The following PTPRD variants were observed in gnomAD, a reference collection of about 807,000 sequenced individuals.
The protein encoded by PTPRD is protein tyrosine phosphatase receptor type D, also known as receptor-type tyrosine-protein phosphatase delta.
A neutral mutation model predicts 214.5 loss-of-function variants in PTPRD; 34 were observed. That is an observed-to-expected ratio of 0.16 (90% CI 0.12 to 0.21). The LOEUF (loss-of-function observed/expected upper bound fraction) is 0.21. Ranked by LOEUF, PTPRD falls within the 10% of genes least tolerant of loss-of-function variation. The probability of loss-of-function intolerance (pLI) is 1.00; values close to 1 mark genes in which losing one functional copy is unlikely to be tolerated. For missense variants in PTPRD, 2,545 were observed against 2,398.7 expected, an observed-to-expected ratio of 1.06 and a Z score of -1.27; for synonymous variants, 1,128 against 845.7, an observed-to-expected ratio of 1.33 and a Z score of -5.79.
At chr9:8,838,319 G>C (rs2570292) in intron 11 of PTPRD, among the ~76,000 whole-genome samples, 133,187 of 151,912 alleles carry the variant, frequency 0.88, 58,443 homozygotes, top group Middle Eastern at 0.93. Context: ...GGATAAGGAA[G>C]TGACAAATTT....
chr9:9,078,326 C>A (rs146105954), intron 10 of PTPRD, among the ~76,000 whole-genome samples: 1,955 of 152,116 alleles, frequency 0.013, 54 homozygotes, highest in African/African-American at 0.045. Flanking sequence ...ATGGCCCATC[C>A]TTAATTATAT....
At chr9:9,779,975 C>G (rs1460062697) in intron 5 of PTPRD, among the ~76,000 whole-genome samples, 1 of 152,150 alleles carries the variant, frequency 6.6e-6, no homozygotes, top group African/African-American at 2.4e-5. Flanking sequence ...ATCATTGTGT[C>G]ATTCATCATA....
chr9:8,424,079 C>G (rs1264125532), intron 35 of PTPRD, among the ~76,000 whole-genome samples: 1 of 152,080 alleles, frequency 6.6e-6, no homozygotes, highest in Non-Finnish European at 1.5e-5. Flanking sequence ...ATAAAGGTTC[C>G]TATCCAAATC....
intron 14 of PTPRD, among the ~76,000 whole-genome samples, chr9:8,565,112 T>C (rs2154216993): frequency 6.6e-6 from 1 of 152,238 alleles, no homozygotes; most frequent in Admixed American, 6.5e-5. Flanking sequence ...TGTGGCCATG[T>C]AATCTGCTCC....
chr9:8,347,712 G>A (rs1460505224), intron 39 of PTPRD, among the ~76,000 whole-genome samples: 1 of 152,182 alleles, frequency 6.6e-6, no homozygotes, highest in African/African-American at 2.4e-5. Flanking sequence ...CAAGGTGGGA[G>A]CTTTAATCAG....
intron 5 of PTPRD, among the ~76,000 whole-genome samples, chr9:9,909,166 T>A (rs372366659): frequency 6.6e-6 from 1 of 151,964 alleles, no homozygotes; most frequent in East Asian, 1.9e-4. Flanking sequence ...ATTTTGTTCA[T>A]CAAAAATTAA....
intron 8 of PTPRD, among the ~76,000 whole-genome samples, chr9:9,429,141 T>C (rs1019199099): frequency 2.0e-5 from 3 of 151,756 alleles, no homozygotes; most frequent in African/African-American, 7.3e-5. Context: ...ATCAATGAAA[T>C]TGATAGGCAG....
chr9:8,504,718 G>A (rs935545530), intron 22 of PTPRD, among the ~76,000 whole-genome samples: 4 of 152,178 alleles, frequency 2.6e-5, no homozygotes, highest in Admixed American at 6.5e-5. Context: ...ATGTTCTGCC[G>A]TTAAATGTGT....
intron 11 of PTPRD, among the ~76,000 whole-genome samples, chr9:8,893,440 C>CATG (rs1341218725): frequency 7.2e-5 from 11 of 152,136 alleles, no homozygotes; most frequent in African/African-American, 2.7e-4. Context: ...AAGAAAGGAC[C>CATG]ATGATGCTCA....
At position 9,484,669 on chromosome 9, in the gene PTPRD, A is replaced by G. The variant is rs573590111; in HGVS notation, c.-236-87187T>C. 1.8e-4 allele frequency among the ~76,000 whole-genome samples: 27 copies of G among 152,270 alleles called. No individual in the cohort carries two copies. In the South Asian group the frequency reaches 5.4e-3, roughly 30 times the overall value. On this transcript the variant is annotated intron_variant, in intron 8 of 45. Coordinates refer to ENST00000381196, the MANE Select transcript of PTPRD (RefSeq NM_002839.4). ...ACAACTCTATGAGAAAGACACTGTT[A>G]TTGGGCCCATTTTTAGATGAAAACT...
intron 10 of PTPRD, among the ~76,000 whole-genome samples, chr9:9,049,381 G>C (rs991614701): frequency 2.0e-5 from 3 of 152,174 alleles, no homozygotes; most frequent in African/African-American, 7.2e-5. Flanking sequence ...GGTGTAGTTT[G>C]TAGTGGCTCA....
intron 7 of PTPRD, among the ~76,000 whole-genome samples, chr9:9,649,562 T>C (rs1303606226): frequency 6.6e-6 from 1 of 152,092 alleles, no homozygotes; most frequent in Non-Finnish European, 1.5e-5. Flanking sequence ...AAAGGCAAAA[T>C]GTATATCTAC....
intron 5 of PTPRD, among the ~76,000 whole-genome samples, chr9:9,824,837 A>G (rs1267742405): frequency 1.3e-5 from 2 of 152,086 alleles, no homozygotes; most frequent in African/African-American, 2.4e-5. Flanking sequence ...ATCACAAAAT[A>G]CAAACTGCTC....
At chr9:10,409,855 G>C (rs773857972) in intron 2 of PTPRD, among the ~76,000 whole-genome samples, 1 of 151,632 alleles carries the variant, frequency 6.6e-6, no homozygotes, top group Non-Finnish European at 1.5e-5. Context: ...CCAGCCATGT[G>C]AGTGAGCCAT....
intron 5 of PTPRD, among the ~76,000 whole-genome samples, chr9:9,798,578 A>G (rs1266864731): frequency 2.0e-5 from 3 of 152,124 alleles, no homozygotes; most frequent in African/African-American, 7.2e-5. Context: ...TCAGAGAATG[A>G]CCTTTCTGCT....
intron 9 of PTPRD, among the ~76,000 whole-genome samples, chr9:9,301,697 A>C (rs143716863): frequency 6.5e-4 from 99 of 152,024 alleles, no homozygotes; most frequent in African/African-American, 2.2e-3. Flanking sequence ...AGGGATTACT[A>C]TGGACAGAAC....
rs1211367237 is a variant in PTPRD, at chr9:10,513,359, T to C, written c.-600+99039A>G. ...TTCTTGTGAGACACTCAGCTGTTAG[T>C]TTAGGAGGAAGTTAAACAATTTGGA... On this transcript the variant is annotated intron_variant, in intron 2 of 45. Transcript: ENST00000381196. Among the ~76,000 whole-genome samples, 5 of 152,032 alleles carry C rather than the reference T, an allele frequency of 3.3e-5. No individual in the cohort carries two copies. In the South Asian group the frequency reaches 1.0e-3, roughly 31 times the overall value.
chr9:10,347,452 C>G (rs929453475), intron 2 of PTPRD, among the ~76,000 whole-genome samples: 2 of 148,112 alleles, frequency 1.4e-5, no homozygotes, highest in African/African-American at 5.0e-5. Flanking sequence ...CTCTTATTGC[C>G]CAGGCTGGAG....
chr9:9,508,657 A>T (rs2096627187), intron 8 of PTPRD, among the ~76,000 whole-genome samples: 1 of 151,512 alleles, frequency 6.6e-6, no homozygotes, highest in Non-Finnish European at 1.5e-5. Flanking sequence ...CTACATTTTC[A>T]GTCTTCTTTG....
Sources: allele counts gnomAD v4.1 joint callset (sites outside exome capture counted in the v4.1 genomes callset), GRCh38; gene constraint gnomAD v4.1.1; transcripts MANE v1.5; gene names NCBI Gene and HGNC (gene_info 2026-07-23, HGNC 2026-07-21).